The following SH2D4B variants were observed in gnomAD, a reference collection of about 807,000 sequenced individuals.
SH2D4B encodes the protein SH2 domain containing 4B.
SH2D4B carries 45 observed loss-of-function variants against 61.5 expected under a neutral mutation model. The ratio of observed to expected loss-of-function variants is 0.73; its 90% CI spans 0.58 to 0.94. The LOEUF is 0.94. SH2D4B is among the 40% of genes least tolerant of loss of function. The pLI, the probability that SH2D4B is intolerant of heterozygous loss-of-function variation, is 0.00. For synonymous variants in SH2D4B, 224 were observed against 220.4 expected, an observed-to-expected ratio of 1.02 and a Z score of -0.14; for missense variants, 572 against 574.2, an observed-to-expected ratio of 1.00 and a Z score of 0.04.
At chr10:80,549,499 A>C (rs760339393) in intron 1 of SH2D4B, among the ~76,000 whole-genome samples, 2 of 151,300 alleles carry the variant, frequency 1.3e-5, no homozygotes, top group Non-Finnish European at 3.0e-5. Flanking sequence ...TAGTCTCAGC[A>C]TCTCCCCTGG....
At chr10:80,579,077 C>A (rs1030977856) in intron 3 of SH2D4B, among the ~76,000 whole-genome samples, 2 of 152,088 alleles carry the variant, frequency 1.3e-5, no homozygotes, top group African/African-American at 4.8e-5. Context: ...GGGATTTTTA[C>A]CCCACAGAGA....
chr10:80,602,201 T>G (rs1018879923), intron 4 of SH2D4B, among the ~76,000 whole-genome samples: 1 of 152,140 alleles, frequency 6.6e-6, no homozygotes, highest in African/African-American at 2.4e-5. Flanking sequence ...GGGTTCACTC[T>G]TATAACCCCA....
Position 80,548,149 on chromosome 10 carries a change from T to C in SH2D4B, c.184+9634T>C, listed in dbSNP as rs115408712. ...GCTCATTTTCTGAGGGATTCTAAGG[T>C]GGGAAATAGTGTCATAGATCATTTT... On this transcript the variant is annotated intron_variant, in intron 1 of 7. Coordinates refer to ENST00000646907, the MANE Select transcript of SH2D4B (RefSeq NM_001388272.1). Among the ~76,000 whole-genome samples the C allele has an allele frequency of 8.7e-3, 1,324 of 152,182 alleles. 15 individuals are homozygous for C. The highest frequency in any genetic ancestry group is 0.03 in the African/African-American group (1,248 of 41,516).
At chr10:80,557,942 A>C (rs1219867836) in intron 1 of SH2D4B, among the ~76,000 whole-genome samples, 2 of 152,088 alleles carry the variant, frequency 1.3e-5, no homozygotes, top group Non-Finnish European at 2.9e-5. Context: ...CATTGATTTG[A>C]AACATTCCTT....
chr10:80,606,007 C>T (rs1842515124), intron 5 of SH2D4B, among the ~76,000 whole-genome samples: 1 of 152,142 alleles, frequency 6.6e-6, no homozygotes, highest in Non-Finnish European at 1.5e-5. Flanking sequence ...GAGTGAGCCT[C>T]AAAGGGGACA....
chr10:80,628,121 A>T (rs918982046), intron 6 of SH2D4B, among the ~76,000 whole-genome samples: 3 of 152,108 alleles, frequency 2.0e-5, no homozygotes, highest in Non-Finnish European at 4.4e-5. Context: ...GTGGGTGATG[A>T]TTCATGCTTA....
chr10:80,631,104 G>T (rs1842827637), intron 6 of SH2D4B, among the ~76,000 whole-genome samples: 1 of 152,114 alleles, frequency 6.6e-6, no homozygotes, highest in South Asian at 2.1e-4. Context: ...TAAAATAGAA[G>T]TACCCCATAA....
intron 1 of SH2D4B, among the ~76,000 whole-genome samples, chr10:80,558,142 T>A (rs986168642): frequency 4.6e-5 from 7 of 152,206 alleles, no homozygotes; most frequent in Non-Finnish European, 8.8e-5. Flanking sequence ...TTGAAAGAAA[T>A]TTTTTCAAGT....
chr10:80,583,113 C>T (rs779658261), intron 3 of SH2D4B, among the ~76,000 whole-genome samples: 1 of 152,136 alleles, frequency 6.6e-6, no homozygotes, highest in Non-Finnish European at 1.5e-5. Flanking sequence ...ATGACAGGCA[C>T]CAAATCAAAC....
chr10:80,633,648 G>A (rs971061845), intron 6 of SH2D4B, among the ~76,000 whole-genome samples: 5 of 152,170 alleles, frequency 3.3e-5, no homozygotes, highest in African/African-American at 1.2e-4. Flanking sequence ...CGACTCCAAG[G>A]CCAACCAGAA....
At chr10:80,605,018 T>A (rs376320311) in intron 5 of SH2D4B, among the ~76,000 whole-genome samples, 5 of 152,214 alleles carry the variant, frequency 3.3e-5, no homozygotes, top group South Asian at 2.1e-4. Context: ...TGGTCTCGAT[T>A]TCCTGACCTT....
chr10:80,544,042 A>G (rs904232385), intron 1 of SH2D4B, among the ~76,000 whole-genome samples: 3 of 152,110 alleles, frequency 2.0e-5, no homozygotes, highest in Admixed American at 6.5e-5. Context: ...CCAAGCCAGC[A>G]GTGACAACCC....
At position 80,595,318 on chromosome 10, in the gene SH2D4B, G is replaced by A. The variant is rs369062887; in HGVS notation, c.643+6541G>A. Among the ~76,000 whole-genome samples the A allele has an allele frequency of 3.3e-5, 5 of 152,174 alleles. No homozygotes were observed. The East Asian group carries it at 9.6e-4, about 29-fold the overall frequency. On this transcript the variant is annotated intron_variant, in intron 4 of 7. Coordinates refer to ENST00000646907, the MANE Select transcript of SH2D4B (RefSeq NM_001388272.1). ...TTCTCTCTCCTAGGGACTTACTGTT[G>A]TATTTACAAAAGAGCTTGAAAACTG...
chr10:80,571,912 A>G (rs1230873957), intron 3 of SH2D4B, among the ~76,000 whole-genome samples: 1 of 151,484 alleles, frequency 6.6e-6, no homozygotes, highest in Non-Finnish European at 1.5e-5. Flanking sequence ...AGCTGGGACT[A>G]CAGGTGCCCA....
chr10:80,611,553 C>T (rs1160869925), intron 6 of SH2D4B, among the ~76,000 whole-genome samples: 2 of 152,106 alleles, frequency 1.3e-5, no homozygotes, highest in Non-Finnish European at 2.9e-5. Flanking sequence ...GTTATGTGTC[C>T]CTGTAGCCCC....
intron 4 of SH2D4B, among the ~76,000 whole-genome samples, chr10:80,601,245 C>T (rs1842449569): frequency 6.6e-6 from 1 of 152,238 alleles, no homozygotes; most frequent in Non-Finnish European, 1.5e-5. Flanking sequence ...GATCTTCCCA[C>T]ACCCAGTCAA....
chr10:80,543,811 T>A (rs1262948789), intron 1 of SH2D4B, among the ~76,000 whole-genome samples: 3 of 152,042 alleles, frequency 2.0e-5, no homozygotes, highest in Non-Finnish European at 4.4e-5. Flanking sequence ...GGTTTGTGAA[T>A]GCACCAATGG....
Position 80,593,451 on chromosome 10 carries a change from T to C in SH2D4B, c.643+4674T>C, listed in dbSNP as rs1842354401. Among the ~76,000 whole-genome samples the C allele has an allele frequency of 2.6e-5, 4 of 152,264 alleles. No homozygotes were observed. The South Asian group carries it at 8.3e-4, about 31-fold the overall frequency. ...TTTATTCCTAATGGCGTATTCTTTC[T>C]GATGCTATTATAAATAGAATAGTTT... is the stretch of plus-strand genomic sequence containing the variant. On this transcript the variant is annotated intron_variant, in intron 4 of 7. Transcript: ENST00000646907.
intron 6 of SH2D4B, among the ~76,000 whole-genome samples, chr10:80,628,521 A>G (rs1842790215): frequency 6.6e-6 from 1 of 152,204 alleles, no homozygotes; most frequent in African/African-American, 2.4e-5. Flanking sequence ...TATCAGGAGC[A>G]TGAAAACGGA....
Sources: allele counts gnomAD v4.1 joint callset (sites outside exome capture counted in the v4.1 genomes callset), GRCh38; gene constraint gnomAD v4.1.1; transcripts MANE v1.5; gene names NCBI Gene and HGNC (gene_info 2026-07-23, HGNC 2026-07-21).